Variants in SNX29 observed in about 807,000 individuals in gnomAD.
SNX29 encodes sorting nexin 29, also known as sorting nexin-29.
Under a neutral mutation model 102.1 loss-of-function variants are expected in SNX29, and 78 were observed. That is an observed-to-expected ratio of 0.76 (90% confidence interval 0.64 to 0.92). SNX29 has a LOEUF of 0.92. Among genes scored for constraint, SNX29 ranks in the 40% least tolerant of loss-of-function variants. SNX29 has a pLI of 0.00. For synonymous variants in SNX29, 580 were observed against 414.5 expected, an observed-to-expected ratio of 1.40 and a Z score of -4.85; for missense variants, 1,280 against 1,061.7, an observed-to-expected ratio of 1.21 and a Z score of -2.86.
At chr16:12,410,253 C>G (rs1463666239) in intron 18 of SNX29, among the ~76,000 whole-genome samples, 1 of 152,194 alleles carries the variant, frequency 6.6e-6, no homozygotes, top group Non-Finnish European at 1.5e-5. Context: ...CTCGACCTCC[C>G]AAAGTGCTGG....
chr16:12,108,138 C>A (rs1220815227), intron 11 of SNX29, among the ~76,000 whole-genome samples: 1 of 152,152 alleles, frequency 6.6e-6, no homozygotes, highest in Non-Finnish European at 1.5e-5. Flanking sequence ...GGGCCAGGCT[C>A]TTTTTGGACA....
intron 14 of SNX29, among the ~76,000 whole-genome samples, chr16:12,219,064 G>A (rs997933969): frequency 7.9e-5 from 12 of 152,216 alleles, no homozygotes; most frequent in South Asian, 4.2e-4. Context: ...GTGAGCCACC[G>A]CGCCTGGCCC....
At chr16:12,380,080 C>G (rs2083016736) in intron 16 of SNX29, among the ~76,000 whole-genome samples, 1 of 151,144 alleles carries the variant, frequency 6.6e-6, no homozygotes, top group Admixed American at 6.6e-5. Context: ...TGCCAATGCC[C>G]TAATTTCTTA....
chr16:12,311,114 C>T (rs1322239275), intron 15 of SNX29, among the ~76,000 whole-genome samples: 3 of 152,194 alleles, frequency 2.0e-5, no homozygotes, highest in African/African-American at 7.2e-5. Context: ...CTAATCAACT[C>T]GATAGGGCAG....
rs201941417 is a variant in SNX29, at chr16:12,288,607, GC to G, written c.1782+10572del. Among the ~76,000 whole-genome samples, 1,117 of 151,370 alleles carry G rather than the reference GC, an allele frequency of 7.4e-3. 16 individuals carry two copies. Among genetic ancestry groups the G allele is most frequent in the African/African-American group, 0.026 (1,053 of 41,112 alleles). On this transcript the variant is annotated intron_variant, in intron 15 of 20. Coordinates refer to ENST00000566228, the MANE Select transcript of SNX29 (RefSeq NM_032167.5). ...TTGCAGGCTAAGCCCTTCTTTGGGGGCTTATCTGTCCTGCATCACTATGATG... is the reference window on the plus strand; with the variant it reads ...TTGCAGGCTAAGCCCTTCTTTGGGGGTTATCTGTCCTGCATCACTATGATG...
intron 11 of SNX29, among the ~76,000 whole-genome samples, chr16:12,088,544 G>A (rs911795000): frequency 9.2e-5 from 14 of 152,200 alleles, no homozygotes; most frequent in Non-Finnish European, 1.9e-4. Context: ...GAGGAATGGC[G>A]TTTCGAGTGT....
intron 1 of SNX29, 28 bp downstream of exon 1, chr16:11,976,841 TGCCCCGGCC>T (rs957631247): frequency 1.4e-4 from 189 of 1,349,750 alleles, no homozygotes; most frequent in Non-Finnish European, 1.6e-4. Context: ...CGCTGTCACC[TGCCCCGGCC>T]GCCCCGGCTC....
chr16:12,382,662 G>C (rs962843245), intron 16 of SNX29, among the ~76,000 whole-genome samples: 1 of 152,180 alleles, frequency 6.6e-6, no homozygotes, highest in Admixed American at 6.5e-5. Context: ...TTATTTGCTC[G>C]CAGTTCTGGA....
chr16:12,255,457 C>T (rs965765967), intron 14 of SNX29, among the ~76,000 whole-genome samples: 1 of 152,166 alleles, frequency 6.6e-6, no homozygotes, highest in Non-Finnish European at 1.5e-5. Flanking sequence ...ACTACAGCCA[C>T]CATGCTGTCC....
chr16:12,153,195 C>T (rs113483862), intron 13 of SNX29, among the ~76,000 whole-genome samples: 3,729 of 152,208 alleles, frequency 0.024, 164 homozygotes, highest in African/African-American at 0.086. Flanking sequence ...CCCAGGAGTT[C>T]GAGGTTGCAG....
intron 19 of SNX29, among the ~76,000 whole-genome samples, chr16:12,510,428 C>T (rs1171553067): frequency 2.6e-5 from 4 of 152,106 alleles, no homozygotes; most frequent in African/African-American, 9.7e-5. Context: ...ACAACCAGCA[C>T]TTTGGGAGGC....
At chr16:12,237,332 G>A (rs1868860352) in intron 14 of SNX29, among the ~76,000 whole-genome samples, 1 of 152,228 alleles carries the variant, frequency 6.6e-6, no homozygotes, top group South Asian at 2.1e-4. Context: ...CTGTGCCTCT[G>A]TCTGGGAGTG....
intron 11 of SNX29, among the ~76,000 whole-genome samples, chr16:12,092,614 G>T (rs1027096718): frequency 2.0e-5 from 3 of 152,168 alleles, no homozygotes; most frequent in African/African-American, 7.2e-5. Context: ...GTAGTAGGTC[G>T]CTTGACCTCT....
At chr16:12,105,223 CCCTCCCTT>C (rs1402121505) in intron 11 of SNX29, among the ~76,000 whole-genome samples, 6 of 110,296 alleles carry the variant, frequency 5.4e-5, no homozygotes, top group African/African-American at 1.8e-4. Context: ...CTCCCTCCCT[CCCTCCCTT>C]CCTTCCTTCC....
chr16:12,540,528 T>G (rs1425594846), intron 20 of SNX29, among the ~76,000 whole-genome samples: 3 of 152,206 alleles, frequency 2.0e-5, no homozygotes, highest in African/African-American at 4.8e-5. Flanking sequence ...CAGAATTTGT[T>G]TCGCGGCTTC....
At chr16:12,420,249 A>T (rs1004027685) in intron 18 of SNX29, among the ~76,000 whole-genome samples, 8 of 152,238 alleles carry the variant, frequency 5.3e-5, no homozygotes, top group African/African-American at 1.9e-4. Context: ...TTACTGATGA[A>T]TAGACAACTG....
intron 11 of SNX29, among the ~76,000 whole-genome samples, chr16:12,107,356 T>TTTTA (rs1555461513): frequency 6.7e-6 from 1 of 149,042 alleles, no homozygotes; most frequent in Non-Finnish European, 1.5e-5. Flanking sequence ...TTTTTTTTTT[T>TTTTA]AAAACGTTTT....
In SNX29 at chr16:12,430,959, T is replaced by C. The variant is rs551510840; in HGVS notation, c.2037+27430T>C. Among the ~76,000 whole-genome samples, 3 of 152,038 alleles carry C rather than the reference T, an allele frequency of 2.0e-5. No individual in the cohort carries two copies. In the South Asian group the frequency reaches 6.2e-4, roughly 32 times the overall value. ...CCTCTGCCTCCTGGGTTCAAATGAT[T>C]CTCCTGCCTCAGCCTCCCGAGTAGC... On this transcript the variant is annotated intron_variant, in intron 18 of 20. Transcript: ENST00000566228.
chr16:12,562,256 A>C (rs2078767815), intron 20 of SNX29, among the ~76,000 whole-genome samples: 1 of 152,172 alleles, frequency 6.6e-6, no homozygotes. Context: ...GCATTCACTA[A>C]GCAGCATCCC....
Sources: gnomAD v4.1 joint callset for allele counts (sites outside exome capture counted in the v4.1 genomes callset) on GRCh38, gnomAD v4.1.1 for gene constraint, MANE v1.5 for transcripts, NCBI Gene and HGNC (gene_info 2026-07-23, HGNC 2026-07-21) for gene names.